Variants in KCNIP4 observed in about 807,000 individuals in gnomAD.
KCNIP4 encodes Kv channel-interacting protein 4.
KCNIP4 carries 12 observed loss-of-function variants against 34.0 expected under a neutral mutation model. The ratio of observed to expected loss-of-function variants is 0.35; its 90% CI spans 0.23 to 0.57. KCNIP4 has a LOEUF of 0.57. KCNIP4 is among the 20% of genes least tolerant of loss of function. KCNIP4 has a pLI of 0.83. For synonymous variants in KCNIP4, 124 were observed against 102.2 expected (o/e 1.21, Z -1.29); for missense variants, 238 against 311.7 (o/e 0.76, Z 1.78).
intron 1 of KCNIP4, among the ~76,000 whole-genome samples, chr4:21,067,927 C>T (rs1744552984): frequency 6.6e-6 from 1 of 152,006 alleles, no homozygotes; most frequent in Non-Finnish European, 1.5e-5. Context: ...CATTATGTTG[C>T]CCAAATGAAA....
rs114154471 is a variant in KCNIP4 at position 21,024,024 on chromosome 4, C to T, written c.62-141315G>A. On this transcript the variant is annotated intron_variant, in intron 1 of 8. Transcript: ENST00000382152. ...CATACACTGTGGGTGAGAAGGGAAA[C>T]GGCTTTGGAAAACCTTCTGGTAATT... Among the ~76,000 whole-genome samples, 451 of 152,270 alleles carry T rather than the reference C, an allele frequency of 3.0e-3. 3 individuals are homozygous for T. Among genetic ancestry groups the T allele is most frequent in the Middle Eastern group, 3.4e-3 (1 of 294 alleles).
intron 1 of KCNIP4, among the ~76,000 whole-genome samples, chr4:21,533,064 A>C (rs1736831921): frequency 6.6e-6 from 1 of 151,754 alleles, no homozygotes; most frequent in Non-Finnish European, 1.5e-5. Flanking sequence ...ACCAACAATA[A>C]TATTGTCCCA....
chr4:20,981,262 A>G (rs565053054), intron 1 of KCNIP4, among the ~76,000 whole-genome samples: 1 of 152,276 alleles, frequency 6.6e-6, no homozygotes, highest in East Asian at 1.9e-4. Flanking sequence ...CTTGCCTCTA[A>G]TCTATGACAA....
chr4:21,437,413 T>C (rs1222431195), intron 1 of KCNIP4, among the ~76,000 whole-genome samples: 2 of 152,186 alleles, frequency 1.3e-5, no homozygotes, highest in Non-Finnish European at 2.9e-5. Context: ...TCTCTAGGAA[T>C]TTCAAAAAGC....
In KCNIP4 at chr4:20,805,309, T is replaced by G. The variant is rs567170383; in HGVS notation, c.288+45234A>C. 1.3e-3 allele frequency among the ~76,000 whole-genome samples: 193 copies of G among 149,542 alleles called. 4 individuals are homozygous for G. In the South Asian group the frequency reaches 0.04, roughly 31 times the overall value. On this transcript the variant is annotated intron_variant, in intron 3 of 8. Transcript: ENST00000382152. ...CCTGGGATTCCCAAAGTGCTAGTAT[T>G]ACAGGAATAAGCCACTGCACCTTTC...
intron 3 of KCNIP4, among the ~76,000 whole-genome samples, chr4:20,776,109 A>T (rs1325182336): frequency 6.6e-6 from 1 of 152,176 alleles, no homozygotes; most frequent in East Asian, 1.9e-4. Context: ...TTTAGAGCTC[A>T]TGGATAGTCT....
At chr4:21,252,028 G>T (rs1461408159) in intron 1 of KCNIP4, among the ~76,000 whole-genome samples, 1 of 149,226 alleles carries the variant, frequency 6.7e-6, no homozygotes, top group Non-Finnish European at 1.5e-5. Flanking sequence ...AATAATAAAA[G>T]AAATATAATG....
chr4:20,805,345 T>C (rs952782860), intron 3 of KCNIP4, among the ~76,000 whole-genome samples: 3 of 151,982 alleles, frequency 2.0e-5, no homozygotes, highest in African/African-American at 7.3e-5. Context: ...TGCCTTCTCC[T>C]CTTAAAGTTG....
intron 1 of KCNIP4, among the ~76,000 whole-genome samples, chr4:21,642,767 G>C (rs903925872): frequency 6.6e-6 from 1 of 152,068 alleles, no homozygotes; most frequent in African/African-American, 2.4e-5. Flanking sequence ...AGCAGGGAAG[G>C]AAGTTACAGT....
chr4:21,166,646 A>C (rs1753642814), intron 1 of KCNIP4, among the ~76,000 whole-genome samples: 1 of 152,286 alleles, frequency 6.6e-6, no homozygotes, highest in South Asian at 2.1e-4. Flanking sequence ...CCCAACAAGA[A>C]GTGAGTGGAT....
chr4:21,875,948 G>C (rs1169194194), intron 1 of KCNIP4, among the ~76,000 whole-genome samples: 1 of 152,028 alleles, frequency 6.6e-6, no homozygotes, highest in African/African-American at 2.4e-5. Flanking sequence ...TTCAAATTAT[G>C]GTCTACATAG....
At chr4:21,202,311 A>G (rs1429282721) in intron 1 of KCNIP4, among the ~76,000 whole-genome samples, 1 of 152,236 alleles carries the variant, frequency 6.6e-6, no homozygotes, top group East Asian at 1.9e-4. Context: ...TATTATTCTA[A>G]GTGAACTAAT....
chr4:20,758,445 A>G (rs1425843506), intron 4 of KCNIP4, among the ~76,000 whole-genome samples: 2 of 152,144 alleles, frequency 1.3e-5, no homozygotes, highest in African/African-American at 4.8e-5. Flanking sequence ...TCATATCTAT[A>G]AATTGAGGAT....
intron 1 of KCNIP4, among the ~76,000 whole-genome samples, chr4:21,475,351 G>C (rs1730863010): frequency 6.6e-6 from 1 of 152,146 alleles, no homozygotes; most frequent in South Asian, 2.1e-4. Context: ...TAGAGAAGAT[G>C]TGACAGAAGT....
intron 1 of KCNIP4, among the ~76,000 whole-genome samples, chr4:20,951,741 C>T (rs1427131718): frequency 6.6e-6 from 1 of 152,152 alleles, no homozygotes; most frequent in Non-Finnish European, 1.5e-5. Context: ...AATGAATTTA[C>T]TTTTCTTATG....
At chr4:20,830,279 C>G (rs1445201344) in intron 3 of KCNIP4, among the ~76,000 whole-genome samples, 2 of 152,054 alleles carry the variant, frequency 1.3e-5, no homozygotes, top group African/African-American at 4.8e-5. Flanking sequence ...ACAGGTAATC[C>G]AAAAACTTCA....
chr4:21,073,539 G>A (rs1490620667), intron 1 of KCNIP4, among the ~76,000 whole-genome samples: 2 of 152,212 alleles, frequency 1.3e-5, no homozygotes. Context: ...ATTTTGGGCT[G>A]AGACAATGGG....
intron 1 of KCNIP4, among the ~76,000 whole-genome samples, chr4:21,239,519 G>A (rs929093836): frequency 9.9e-5 from 15 of 151,750 alleles, no homozygotes; most frequent in South Asian, 4.2e-4. Context: ...GAACTCAAGC[G>A]AATTTACAAG....
rs376528449 is a variant in KCNIP4 at position 21,408,062 on chromosome 4, T to C, written c.62-525353A>G. Among the ~76,000 whole-genome samples the C allele has an allele frequency of 2.0e-5, 3 of 152,296 alleles. No individual in the cohort carries two copies. The East Asian group carries it at 5.8e-4, about 29-fold the overall frequency. On this transcript the variant is annotated intron_variant, in intron 1 of 8. Coordinates refer to ENST00000382152, the MANE Select transcript of KCNIP4 (RefSeq NM_025221.6). ...TAGCTCAAAACACACAAAGGCTCTA[T>C]AGAATCAGAAAACCAAACGAAGCCG... is the stretch of plus-strand genomic sequence containing the variant.
Sources: allele counts gnomAD v4.1 joint callset (sites outside exome capture counted in the v4.1 genomes callset), GRCh38; gene constraint gnomAD v4.1.1; transcripts MANE v1.5; gene names NCBI Gene and HGNC (gene_info 2026-07-23, HGNC 2026-07-21).